The following PRICKLE1 variants were observed in gnomAD, a reference collection of about 807,000 sequenced individuals.
PRICKLE1 encodes the protein prickle-like protein 1.
A neutral mutation model predicts 70.2 loss-of-function variants in PRICKLE1; 14 were observed. The ratio of observed to expected loss-of-function variants is 0.20; its 90% CI spans 0.13 to 0.31. The LOEUF (loss-of-function observed/expected upper bound fraction) is 0.31. Among genes scored for constraint, PRICKLE1 ranks in the 10% least tolerant of loss-of-function variants. The probability of loss-of-function intolerance (pLI) is 1.00; values close to 1 mark genes in which losing one functional copy is unlikely to be tolerated. For missense variants in PRICKLE1, 821 were observed against 1,026.2 expected (o/e 0.80, Z 2.73); for synonymous variants, 357 against 379.9 (o/e 0.94, Z 0.70).
At chr12:42,463,004 A>AACT (rs1937917567) in intron 7 of PRICKLE1, among the ~76,000 whole-genome samples, 1 of 152,234 alleles carries the variant, frequency 6.6e-6, no homozygotes, top group African/African-American at 2.4e-5. Flanking sequence ...AAATGTGGAT[A>AACT]ACTGGTATGA....
intron 1 of PRICKLE1, among the ~76,000 whole-genome samples, chr12:42,528,073 T>C (rs748176958): frequency 3.4e-4 from 52 of 151,634 alleles, no homozygotes; most frequent in Non-Finnish European, 5.9e-4. Context: ...TTCTTTATCT[T>C]CTTTATGTAT....
At chr12:42,529,624 G>A (rs929213934) in intron 1 of PRICKLE1, among the ~76,000 whole-genome samples, 2 of 152,226 alleles carry the variant, frequency 1.3e-5, no homozygotes, top group African/African-American at 4.8e-5. Flanking sequence ...GGCCGGTGCA[G>A]TGGCTCATGC....
chr12:42,501,425 G>A (rs186448081), intron 1 of PRICKLE1, among the ~76,000 whole-genome samples: 8 of 144,888 alleles, frequency 5.5e-5, no homozygotes, highest in South Asian at 2.2e-4. Flanking sequence ...TAGGAGAATC[G>A]CTTGAACCCG....
intron 1 of PRICKLE1, among the ~76,000 whole-genome samples, chr12:42,511,538 T>C (rs1939512538): frequency 6.6e-6 from 1 of 152,220 alleles, no homozygotes; most frequent in Non-Finnish European, 1.5e-5. Flanking sequence ...CTCTGATCCA[T>C]TGGCCTTGTT....
intron 1 of PRICKLE1, among the ~76,000 whole-genome samples, chr12:42,474,982 T>C (rs905891655): frequency 1.3e-4 from 20 of 152,230 alleles, no homozygotes; most frequent in Admixed American, 6.5e-5. Context: ...TTGCCGAAGA[T>C]GTGAATTACT....
rs1395833915 is a variant in PRICKLE1, at chr12:42,465,095, A to G, written c.939T>C (p.His313=). The G allele has an allele frequency of 8.3e-6, 13 of 1,565,550 alleles. No individual in the cohort carries two copies. The highest frequency in any genetic ancestry group is 1.1e-5 in the Non-Finnish European group (13 of 1,160,198). Residue 313 remains histidine, a synonymous_variant, in exon 7 of 8, where the codon CAT becomes CAC. Transcript: ENST00000345127. ...ATGCAGAGTCGGAAGAATCAGAGGC[A>G]TGGACGTCTTCACCAAGACTGCACG... The part of the protein sequence containing the change: ...SKTCSLGEDV[H]ASDSSDSAFQ...
intron 1 of PRICKLE1, among the ~76,000 whole-genome samples, chr12:42,569,819 G>A (rs1195590783): frequency 6.6e-6 from 1 of 152,224 alleles, no homozygotes; most frequent in Non-Finnish European, 1.5e-5. Flanking sequence ...TGTTTAAGAT[G>A]AGCATTGTGG....
At position 42,460,327 on chromosome 12, in the gene PRICKLE1, C is replaced by A; in HGVS notation, c.1978G>T (p.Val660Phe). 1 of 1,614,146 alleles carries A rather than the reference C, an allele frequency of 6.2e-7. No individual in the cohort carries two copies. Among genetic ancestry groups the A allele is most frequent in the African/African-American group, 1.3e-5 (1 of 75,008 alleles). The change falls in exon 8 of 8, where the codon GTC becomes TTC. Residue 660 changes from valine (V) to phenylalanine (F), a missense_variant. Val to Phe is a conservative substitution (Grantham distance 50). Coordinates refer to ENST00000345127, the MANE Select transcript of PRICKLE1 (RefSeq NM_153026.3). ...PPMSERTRRR[V>F]YNFEERGSRS... ...GATCCCCTCTCTTCAAAATTGTAGA[C>A]GCGTCTCCGAGTCCTTTCACTCATC... is the stretch of plus-strand genomic sequence containing the variant.
At chr12:42,478,176 A>G (rs1342086048) in intron 1 of PRICKLE1, among the ~76,000 whole-genome samples, 1 of 151,850 alleles carries the variant, frequency 6.6e-6, no homozygotes, top group Non-Finnish European at 1.5e-5. Flanking sequence ...GTATTTTTTT[A>G]CATTCTTTTA....
At chr12:42,466,425 G>T in intron 5 of PRICKLE1, 45 bp from the exon 6 acceptor site, 1 of 1,580,442 alleles carries the variant, frequency 6.3e-7, no homozygotes, top group South Asian at 1.1e-5. Flanking sequence ...AAAATCATTA[G>T]GAACTATTTT....
chr12:42,478,879 G>A (rs1384608911), intron 1 of PRICKLE1, among the ~76,000 whole-genome samples: 1 of 152,026 alleles, frequency 6.6e-6, no homozygotes, highest in Non-Finnish European at 1.5e-5. Context: ...ACAAAGACAA[G>A]CAGCTAACAG....
Position 42,494,257 on chromosome 12 carries a change from G to A in PRICKLE1, c.-48-21693C>T, listed in dbSNP as rs114494826. 3.8e-3 allele frequency among the ~76,000 whole-genome samples: 585 copies of A among 152,314 alleles called. 3 individuals are homozygous for A. The highest frequency in any genetic ancestry group is 0.013 in the African/African-American group (547 of 41,558). The stretch of plus-strand genomic sequence containing the variant: ...TTGTGACAATTTCTTATAAGGAAAT[G>A]ATGAAGTTTGCTGCATCAATTGACT... On this transcript the variant is annotated intron_variant, in intron 1 of 7. Coordinates refer to ENST00000345127, the MANE Select transcript of PRICKLE1 (RefSeq NM_153026.3).
At chr12:42,482,871 C>CGCA (rs774731391) in intron 1 of PRICKLE1, 9 of 152,300 alleles carry the variant, frequency 5.9e-5, no homozygotes, top group Non-Finnish European at 8.8e-5. Context: ...TCCCCGCCGC[C>CGCA]GCAGCAGCAG....
At chr12:42,556,257 C>G (rs759297522) in intron 1 of PRICKLE1, among the ~76,000 whole-genome samples, 16 of 152,156 alleles carry the variant, frequency 1.1e-4, no homozygotes, top group African/African-American at 3.6e-4. Context: ...CCAAGGATGA[C>G]GCCTCAAATG....
At chr12:42,573,143 C>T (rs936827079) in intron 1 of PRICKLE1, among the ~76,000 whole-genome samples, 1 of 152,062 alleles carries the variant, frequency 6.6e-6, no homozygotes, top group Non-Finnish European at 1.5e-5. Flanking sequence ...AAACATTTAA[C>T]GGCTAAATAA....
At chr12:42,469,680 CAGTAAGTT>C in intron 3 of PRICKLE1, 93 bp from the exon 4 acceptor site, 3 of 1,555,602 alleles carry the variant, frequency 1.9e-6, no homozygotes, top group Non-Finnish European at 2.6e-6. Flanking sequence ...GGAAGTGAAA[CAGTAAGTT>C]TAGCTCGCCT....
In PRICKLE1 at chr12:42,459,755, G is replaced by A. The variant is rs1006433987; in HGVS notation, c.*54C>T. 2 of 1,605,676 alleles carry A rather than the reference G, an allele frequency of 1.2e-6. No individual in the cohort carries two copies. The highest frequency in any genetic ancestry group is 2.7e-5 in the African/African-American group (2 of 74,694). ...ACTTTCCTACGGAAGAAAAGGAAAC[G>A]ATTCAGACGGTTAATGGCTAAGTTT... On this transcript the variant is annotated 3_prime_UTR_variant, in exon 8 of 8. Transcript: ENST00000345127.
rs1374079074 is a variant in PRICKLE1 at position 42,460,252 on chromosome 12, T to C, written c.2053A>G (p.Asn685Asp). 3.7e-6 allele frequency: 6 copies of C among 1,614,084 alleles called. No homozygotes were observed. Among genetic ancestry groups the C allele is most frequent in the East Asian group, 2.2e-5 (1 of 44,896 alleles). The change falls in exon 8 of 8, where the codon AAT becomes GAT. Residue 685 changes from asparagine (N) to aspartate (D), a missense_variant. Transcript: ENST00000345127. ...CTTTCTGTAACAAGATTCAGGGCAT[T>C]GTCGGAGCGGGACTTTCTACTTCTC... ...RRRSRKSRSD[N>D]ALNLVTERKY...
Position 42,545,406 on chromosome 12 carries a change from G to C in PRICKLE1, c.-49+44059C>G, listed in dbSNP as rs1254329608. ...TGACACACATATCCAAATGCACAAA[G>C]CCATGCTGCATTCTGCAGTTTCTCA... On this transcript the variant is annotated intron_variant, in intron 1 of 7. Coordinates refer to ENST00000345127, the MANE Select transcript of PRICKLE1 (RefSeq NM_153026.3). Among the ~76,000 whole-genome samples the C allele has an allele frequency of 2.6e-5, 4 of 152,220 alleles. No homozygotes were observed. The East Asian group carries it at 7.7e-4, about 29-fold the overall frequency.
Sources: allele counts gnomAD v4.1 joint callset (sites outside exome capture counted in the v4.1 genomes callset), GRCh38; gene constraint gnomAD v4.1.1; transcripts MANE v1.5; gene names NCBI Gene and HGNC (gene_info 2026-07-23, HGNC 2026-07-21).